The following STAU1 variants were observed in gnomAD, a reference collection of about 807,000 sequenced individuals.
STAU1 encodes double-stranded RNA-binding protein Staufen homolog 1.
STAU1 carries 13 observed loss-of-function variants against 62.9 expected under a neutral mutation model. The ratio of observed to expected loss-of-function variants is 0.21; its 90% confidence interval spans 0.13 to 0.33. The LOEUF is 0.33. Among genes scored for constraint, STAU1 ranks in the 10% least tolerant of loss-of-function variants. The probability of loss-of-function intolerance (pLI) is 1.00; values close to 1 mark genes in which losing one functional copy is unlikely to be tolerated. For missense variants in STAU1, 571 were observed against 712.1 expected, an observed-to-expected ratio of 0.80 and a Z score of 2.25; for synonymous variants, 269 against 265.1, an observed-to-expected ratio of 1.01 and a Z score of -0.14.
chr20:49,150,927 C>CT (rs1396314836), intron 5 of STAU1, among the ~76,000 whole-genome samples: 1 of 152,090 alleles, frequency 6.6e-6, no homozygotes, highest in African/African-American at 2.4e-5. Context: ...CCCAGCTGAG[C>CT]TCCTAGCTGA....
chr20:49,140,982 TAAAAA>T (rs35880692), intron 5 of STAU1, among the ~76,000 whole-genome samples: 4 of 131,544 alleles, frequency 3.0e-5, no homozygotes, highest in African/African-American at 1.1e-4. Context: ...ATGATCTGTT[TAAAAA>T]AAAAAAAAAA....
In STAU1 at chr20:49,174,882, A is replaced by G. The variant is rs371777692; in HGVS notation, c.-159-613T>C. 1.1e-4 allele frequency among the ~76,000 whole-genome samples: 16 copies of G among 150,008 alleles called. No individual in the cohort carries two copies. The East Asian group carries it at 2.8e-3, about 26-fold the overall frequency. ...CCGGGAGACGGAGCTTGCAGTGAGC[A>G]GAGATCGCACCACTGCACTCCAGCC... is the stretch of plus-strand genomic sequence containing the variant. On this transcript the variant is annotated intron_variant, in intron 1 of 13. Coordinates refer to ENST00000371856, the MANE Select transcript of STAU1 (RefSeq NM_017453.4).
chr20:49,125,198 C>CAAAAAAAAAA lies in STAU1; in HGVS notation c.610-621_610-612dup, dbSNP rs1171534142. Among the ~76,000 whole-genome samples the CAAAAAAAAAA allele has an allele frequency of 8.0e-3, 271 of 33,720 alleles. 17 individuals carry two copies. The highest frequency in any genetic ancestry group is 0.026 in the East Asian group (19 of 720). 22.1% of individuals were successfully genotyped at this position (33,720 alleles called of 152,430 possible). A position where few individuals can be genotyped will look rare whatever the true frequency, so the allele number is the denominator to read the frequency against. On this transcript the variant is annotated intron_variant, in intron 6 of 13. Transcript: ENST00000371856. ...ACACACATTTATAAGCTCATTTTTGCAAAAAAAAAAAAAAAAAAAAAAAAA... is the reference window on the plus strand; with the variant it reads ...ACACACATTTATAAGCTCATTTTTGCAAAAAAAAAAAAAAAAAAAAAAAAAAAAAAAAAAA...
At chr20:49,165,866 G>A (rs971821218) in intron 3 of STAU1, 131 bp downstream of exon 3, 2 of 850,590 alleles carry the variant, frequency 2.4e-6, no homozygotes, top group African/African-American at 1.7e-5. Context: ...GGATAAAGAA[G>A]TGTGGGTGGT....
chr20:49,217,064 G>A, the STAU1 span, among the ~76,000 whole-genome samples: 6 of 152,132 alleles, frequency 3.9e-5, no homozygotes, highest in Admixed American at 3.9e-4. Context: ...CCCAAACCTT[G>A]GAGAATGAGG....
chr20:49,208,482 C>T, the STAU1 span, among the ~76,000 whole-genome samples: 6 of 151,878 alleles, frequency 4.0e-5, no homozygotes, highest in African/African-American at 4.8e-5. Flanking sequence ...GGATTACAGG[C>T]GTGAGCCACC....
At chr20:49,157,264 A>G (rs2093374733) in intron 3 of STAU1, among the ~76,000 whole-genome samples, 3 of 152,174 alleles carry the variant, frequency 2.0e-5, no homozygotes, top group Admixed American at 6.5e-5. Context: ...AATTAAGACA[A>G]TGTTTGTTTT....
chr20:49,153,859 G>T (rs534300819), intron 4 of STAU1, 74 bp downstream of exon 4: 64 of 1,447,170 alleles, frequency 4.4e-5, no homozygotes, highest in Non-Finnish European at 5.7e-5. Context: ...ACAATCTAGA[G>T]GTACTGGTTT....
chr20:49,164,595 G>A (rs535332593), intron 3 of STAU1, among the ~76,000 whole-genome samples: 75 of 151,870 alleles, frequency 4.9e-4, no homozygotes, highest in Non-Finnish European at 7.5e-4. Flanking sequence ...TGGCCATGAC[G>A]CAGAAAATTT....
the STAU1 span, among the ~76,000 whole-genome samples, chr20:49,219,057 T>C: frequency 1.3e-3 from 199 of 150,070 alleles, 5 homozygotes; most frequent in East Asian, 0.032. Context: ...TTACTTAGAA[T>C]TTTACCACCC....
chr20:49,151,146 C>T (rs896242457), intron 5 of STAU1, among the ~76,000 whole-genome samples: 2 of 152,136 alleles, frequency 1.3e-5, no homozygotes, highest in African/African-American at 4.8e-5. Flanking sequence ...TGTTATGAGG[C>T]AAAAGGTAAC....
the STAU1 span, among the ~76,000 whole-genome samples, chr20:49,198,241 C>T: frequency 7.9e-5 from 12 of 152,220 alleles, no homozygotes; most frequent in African/African-American, 2.2e-4. Flanking sequence ...ATAGGCCGGG[C>T]GCGGTGGCTC....
rs903319019 is a variant in STAU1 at position 49,174,216 on chromosome 20, C to G, written c.-106G>C. 2.6e-4 allele frequency: 40 copies of G among 152,100 alleles called. No homozygotes were observed. Among genetic ancestry groups the G allele is most frequent in the African/African-American group, 9.7e-4 (40 of 41,412 alleles). The allele number at this position is 152,100 out of a possible 1,614,324, so 9.4% of individuals were successfully genotyped here. Reference sequence around the variant, plus strand: ...GTACCTTTTTTAAAAAGAGGGCGTTCCAGGAACAATGTTGTCTTTGTTCAG... The same window carrying G: ...GTACCTTTTTTAAAAAGAGGGCGTTGCAGGAACAATGTTGTCTTTGTTCAG... On this transcript the variant is annotated 5_prime_UTR_variant, in exon 2 of 14. Coordinates refer to ENST00000371856, the MANE Select transcript of STAU1 (RefSeq NM_017453.4).
intron 4 of STAU1, 28 bp downstream of exon 4, chr20:49,153,905 A>AC: frequency 8.0e-7 from 1 of 1,246,344 alleles, no homozygotes; most frequent in Non-Finnish European, 1.1e-6. Context: ...CCTGTATTTT[A>AC]CAAAAAAAAA....
intron 3 of STAU1, among the ~76,000 whole-genome samples, chr20:49,162,755 G>A (rs1458078501): frequency 6.1e-5 from 9 of 146,634 alleles, no homozygotes; most frequent in South Asian, 4.4e-4. Context: ...CAGCCTGGGC[G>A]ACAGAGCGAG....
intron 2 of STAU1, among the ~76,000 whole-genome samples, chr20:49,173,571 G>A (rs1176929317): frequency 6.6e-6 from 1 of 152,016 alleles, no homozygotes; most frequent in East Asian, 1.9e-4. Flanking sequence ...CTCAAAGTAG[G>A]TTAACTTGTC....
chr20:49,178,306 T>C (rs2093683977), intron 1 of STAU1, among the ~76,000 whole-genome samples: 1 of 151,882 alleles, frequency 6.6e-6, no homozygotes, highest in Admixed American at 6.6e-5. Context: ...ACCACTGCAA[T>C]TTTCCCCAGT....
rs750609382 is a variant in STAU1 at position 49,120,138 on chromosome 20, G to C, written c.967-10C>G. 2 of 1,611,480 alleles carry C rather than the reference G, an allele frequency of 1.2e-6. No individual in the cohort carries two copies. The highest frequency in any genetic ancestry group is 1.7e-6 in the Non-Finnish European group (2 of 1,178,124). ...GGTTTCCAACCTTCACCTGCACAAAGAAGTCAAAACACAGACCAGTGCTTA... is the reference window on the plus strand; with the variant it reads ...GGTTTCCAACCTTCACCTGCACAAACAAGTCAAAACACAGACCAGTGCTTA... On this transcript the variant is annotated splice_polypyrimidine_tract_variant and intron_variant, in intron 8 of 13. Transcript: ENST00000371856.
Position 49,134,862 on chromosome 20 carries a change from T to G in STAU1, c.609+971A>C, listed in dbSNP as rs958698599. On this transcript the variant is annotated intron_variant, in intron 6 of 13. Transcript: ENST00000371856. Reference sequence around the variant, plus strand: ...CCTGCAAACAAACAGGAAGATGAAGTGATGAGAGCCTATTTACAACAGCTA... The same window carrying G: ...CCTGCAAACAAACAGGAAGATGAAGGGATGAGAGCCTATTTACAACAGCTA... The G allele has an allele frequency of 1.9e-6, 3 of 1,578,534 alleles. No homozygotes were observed. The Admixed American group carries it at 5.0e-5, about 26-fold the overall frequency.
Sources: allele counts gnomAD v4.1 joint callset (sites outside exome capture counted in the v4.1 genomes callset), GRCh38; gene constraint gnomAD v4.1.1; transcripts MANE v1.5; gene names NCBI Gene and HGNC (gene_info 2026-07-23, HGNC 2026-07-21).